The following ANKRD44 variants were observed in gnomAD, a reference collection of about 807,000 sequenced individuals.
The protein encoded by ANKRD44 is serine/threonine-protein phosphatase 6 regulatory ankyrin repeat subunit B.
A neutral mutation model predicts 116.0 loss-of-function variants in ANKRD44; 35 were observed. The ratio of observed to expected loss-of-function variants is 0.30; its 90% CI spans 0.23 to 0.40. The LOEUF is 0.40. ANKRD44 is among the 10% of genes least tolerant of loss of function. ANKRD44 has a pLI of 1.00. For synonymous variants in ANKRD44, 435 were observed against 461.8 expected, an observed-to-expected ratio of 0.94 and a Z score of 0.74; for missense variants, 1,014 against 1,242.6, an observed-to-expected ratio of 0.82 and a Z score of 2.77.
At chr2:197,179,234 C>A (rs1281148212) in intron 2 of ANKRD44, among the ~76,000 whole-genome samples, 1 of 150,904 alleles carries the variant, frequency 6.6e-6, no homozygotes, top group African/African-American at 2.4e-5. Flanking sequence ...TTTTATGAAA[C>A]CCTCCCCTCA....
At chr2:197,262,065 T>C (rs1038468265) in intron 1 of ANKRD44, among the ~76,000 whole-genome samples, 2 of 152,212 alleles carry the variant, frequency 1.3e-5, no homozygotes, top group African/African-American at 4.8e-5. Flanking sequence ...AGAAACAGCT[T>C]ACTTCCTACC....
intron 10 of ANKRD44, among the ~76,000 whole-genome samples, chr2:197,093,139 C>T (rs905156936): frequency 4.0e-5 from 6 of 151,472 alleles, no homozygotes; most frequent in African/African-American, 7.3e-5. Flanking sequence ...TTCATATACA[C>T]GCATAAATAA....
At chr2:197,236,926 A>AG (rs1206404776) in intron 1 of ANKRD44, among the ~76,000 whole-genome samples, 1 of 152,150 alleles carries the variant, frequency 6.6e-6, no homozygotes, top group Non-Finnish European at 1.5e-5. Flanking sequence ...GAAATATTAG[A>AG]GGAAAAATGG....
At chr2:197,226,916 A>G (rs879162287) in intron 1 of ANKRD44, among the ~76,000 whole-genome samples, 1 of 152,118 alleles carries the variant, frequency 6.6e-6, no homozygotes, top group Admixed American at 6.5e-5. Flanking sequence ...TTTGATTCCA[A>G]AAAGGGACCA....
intron 18 of ANKRD44, among the ~76,000 whole-genome samples, chr2:197,012,857 T>C (rs779534801): frequency 3.3e-5 from 5 of 152,238 alleles, no homozygotes; most frequent in African/African-American, 4.8e-5. Flanking sequence ...GCCAAAGATA[T>C]CTATGCCTTA....
chr2:197,074,133 C>G (rs563490730), intron 16 of ANKRD44, among the ~76,000 whole-genome samples: 2 of 152,304 alleles, frequency 1.3e-5, no homozygotes, highest in African/African-American at 2.4e-5. Flanking sequence ...TCACCCCCAC[C>G]CTCGCCCTTA....
rs755510483 is a variant in ANKRD44, at chr2:197,187,061, G to A, written c.73C>T (p.Arg25Trp). ...TCTTCAGTTTTATGGATGAGCATCC[G>A]GATCTCCTCTGGATCACCGCTGAAG... ...AIFSGDPEEI[R>W]MLIHKTEDVN... The change falls in exon 2 of 28, where the codon CGG becomes TGG. Residue 25 changes from arginine to tryptophan, a missense_variant. Physicochemically the swap from Arg to Trp is moderately radical, Grantham distance 101. Coordinates refer to ENST00000282272, the MANE Select transcript of ANKRD44 (RefSeq NM_001195144.2). The A allele has an allele frequency of 1.9e-6, 3 of 1,614,072 alleles. No individual in the cohort carries two copies. The highest frequency in any genetic ancestry group is 1.6e-4 in the Middle Eastern group (1 of 6,062).
chr2:197,269,114 T>C (rs2082821916), intron 1 of ANKRD44, among the ~76,000 whole-genome samples: 1 of 145,482 alleles, frequency 6.9e-6, no homozygotes, highest in Non-Finnish European at 1.5e-5. Context: ...TTGCTACTCA[T>C]AGAGTGTATT....
At chr2:197,237,472 T>A (rs780884010) in intron 1 of ANKRD44, among the ~76,000 whole-genome samples, 2 of 152,238 alleles carry the variant, frequency 1.3e-5, no homozygotes, top group Non-Finnish European at 2.9e-5. Flanking sequence ...TTCTGTGGGA[T>A]TGGACTCTGC....
chr2:197,122,735 T>C lies in ANKRD44; in HGVS notation c.608A>G (p.Asp203Gly), dbSNP rs563202124. Residue 203 changes from aspartate (D) to glycine (G), a missense_variant, in exon 7 of 28, where the codon GAT becomes GGT. By Grantham distance (94) the Asp-to-Gly change is moderately conservative. Transcript: ENST00000282272. ...ATGCAGAGGGGTATAACCCTTCTTA[T>C]CCTTACAGGTCACTTCTGCGCCATG... ...INHGAEVTCK[D>G]KKGYTPLHAA... 8 of 1,614,242 alleles carry C rather than the reference T, an allele frequency of 5.0e-6. No homozygotes were observed. The highest frequency in any genetic ancestry group is 1.6e-4 in the Middle Eastern group (1 of 6,062).
At chr2:197,269,450 G>A (rs183894089) in intron 1 of ANKRD44, among the ~76,000 whole-genome samples, 2 of 152,288 alleles carry the variant, frequency 1.3e-5, no homozygotes, top group African/African-American at 4.8e-5. Flanking sequence ...TAGATATCTC[G>A]AGGAACCGCA....
chr2:197,126,475 T>C (rs2125343303), intron 4 of ANKRD44, among the ~76,000 whole-genome samples: 1 of 152,350 alleles, frequency 6.6e-6, no homozygotes, highest in South Asian at 2.1e-4. Context: ...CAATAAGTGG[T>C]CAAGACGGGA....
intron 1 of ANKRD44, among the ~76,000 whole-genome samples, chr2:197,258,198 T>A (rs1309627031): frequency 6.6e-6 from 1 of 151,090 alleles, no homozygotes; most frequent in Non-Finnish European, 1.5e-5. Context: ...TGCCCCAGGT[T>A]CAAGCAGTTC....
Position 197,117,165 on chromosome 2 carries a change from A to C in ANKRD44, c.906+4167T>G, listed in dbSNP as rs150972685. 1.2e-4 allele frequency among the ~76,000 whole-genome samples: 17 copies of C among 145,566 alleles called. No individual in the cohort carries two copies. In the East Asian group the frequency reaches 3.5e-3, roughly 30 times the overall value. ...AGGCGGTCTGGCCCCAGAACGGAAC[A>C]CTTAACTACTCTGCTGCACCACCTT... is the stretch of plus-strand genomic sequence containing the variant. On this transcript the variant is annotated intron_variant, in intron 8 of 27. Coordinates refer to ENST00000282272, the MANE Select transcript of ANKRD44 (RefSeq NM_001195144.2).
intron 1 of ANKRD44, among the ~76,000 whole-genome samples, chr2:197,310,124 C>A (rs1239584194): frequency 2.0e-5 from 3 of 152,216 alleles, no homozygotes; most frequent in East Asian, 1.9e-4. Context: ...ACACAAGAGC[C>A]GCATTCTGGG....
intron 1 of ANKRD44, among the ~76,000 whole-genome samples, chr2:197,198,564 G>C (rs931909255): frequency 6.6e-5 from 10 of 152,096 alleles, no homozygotes; most frequent in African/African-American, 2.4e-4. Flanking sequence ...GGCCGAGGCA[G>C]GTGGATCACC....
At chr2:197,277,444 T>A (rs1179708358) in intron 1 of ANKRD44, among the ~76,000 whole-genome samples, 1 of 152,050 alleles carries the variant, frequency 6.6e-6, no homozygotes, top group East Asian at 1.9e-4. Flanking sequence ...AAGGGTGCAT[T>A]CCAGTGAGGA....
intron 23 of ANKRD44, 35 bp downstream of exon 23, chr2:197,000,384 A>G: frequency 3.9e-6 from 6 of 1,546,902 alleles, no homozygotes; most frequent in Non-Finnish European, 4.5e-6. Context: ...GGTAAGATTC[A>G]TCAAGAAAAA....
chr2:197,056,277 TAC>T, intron 16 of ANKRD44, among the ~76,000 whole-genome samples: 1 of 151,940 alleles, frequency 6.6e-6, no homozygotes, highest in East Asian at 1.9e-4. Flanking sequence ...CTTTTCAATT[TAC>T]ACACAAAAAA....
Sources: allele counts gnomAD v4.1 joint callset (sites outside exome capture counted in the v4.1 genomes callset), GRCh38; gene constraint gnomAD v4.1.1; transcripts MANE v1.5; gene names NCBI Gene and HGNC (gene_info 2026-07-23, HGNC 2026-07-21).